STAR: variants seen among roughly 807,000 people sequenced by gnomAD.
STAR encodes the protein steroidogenic acute regulatory protein, mitochondrial.
Under a neutral mutation model 32.3 loss-of-function variants are expected in STAR, and 32 were observed. The observed-to-expected ratio is 0.99, with a 90% CI of 0.75 to 1.33. The LOEUF is 1.33. STAR is among the 40% of genes most tolerant of loss of function. The pLI is 0.00. For synonymous variants in STAR, 134 were observed against 140.5 expected (o/e 0.95, Z 0.33); for missense variants, 375 against 379.0 (o/e 0.99, Z 0.09).
At position 38,145,035 on chromosome 8, in the gene STAR, G is replaced by A. The variant is rs1312843031; in HGVS notation, c.744+187C>T. 3.5e-6 allele frequency: 5 copies of A among 1,441,738 alleles called. No individual in the cohort carries two copies. In the South Asian group the frequency reaches 7.2e-5, roughly 21 times the overall value. The allele number at this position is 1,441,738 out of a possible 1,614,324, so 89.3% of individuals were successfully genotyped here. On this transcript the variant is annotated intron_variant, in intron 6 of 6. Transcript: ENST00000276449. ...AAAAAAAAAAAAAAAAAAAAGAAGA[G>A]GGGGCCATCACAGGCTTTGGAGATG...
In STAR at chr8:38,145,657, A is replaced by G. The variant is rs1293600634; in HGVS notation, c.650+306T>C. On this transcript the variant is annotated intron_variant, in intron 5 of 6. Coordinates refer to ENST00000276449, the MANE Select transcript of STAR (RefSeq NM_000349.3). ...ACTGAGTGGTATGGATTATTTCAAT[A>G]TTTTAGTCTACATTACAGCTGTTCC... 6 of 552,874 alleles carry G rather than the reference A, an allele frequency of 1.1e-5. No individual in the cohort carries two copies. The Admixed American group carries it at 1.9e-4, about 17-fold the overall frequency. 34.2% of individuals were successfully genotyped at this position (552,874 alleles called of 1,614,324 possible). A position where few individuals can be genotyped will look rare whatever the true frequency, so the allele number is the denominator to read the frequency against.
intron 6 of STAR, chr8:38,144,905 A>T (rs762853041): frequency 2.5e-5 from 21 of 851,034 alleles, no homozygotes; most frequent in Non-Finnish European, 3.2e-5. Flanking sequence ...GCTACTCAGG[A>T]GGCTGAGGCG....
At chr8:38,146,780 T>TA (rs1237920274) in intron 3 of STAR, among the ~76,000 whole-genome samples, 22 of 29,860 alleles carry the variant, frequency 7.4e-4, no homozygotes, top group Non-Finnish European at 1.4e-3. Context: ...AAAAAAAAAT[T>TA]TTATATATAT....
intron 1 of STAR, among the ~76,000 whole-genome samples, chr8:38,150,133 G>C (rs1802641783): frequency 6.6e-6 from 1 of 152,130 alleles, no homozygotes; most frequent in Admixed American, 6.6e-5. Flanking sequence ...TGTAATCCCA[G>C]CACTTTGGGA....
chr8:38,145,795 C>T (rs1193299808), intron 5 of STAR, 168 bp downstream of exon 5: 14 of 837,702 alleles, frequency 1.7e-5, no homozygotes, highest in East Asian at 1.6e-4. Flanking sequence ...TAGGGCCTAT[C>T]TTGTCTTTGT....
intron 3 of STAR, 102 bp downstream of exon 3, chr8:38,148,098 C>G: frequency 6.6e-7 from 1 of 1,522,792 alleles, no homozygotes; most frequent in Non-Finnish European, 9.0e-7. Flanking sequence ...TACCCAGTGA[C>G]TGCTGCATGA....
rs1802660648 is a variant in STAR at position 38,150,942 on chromosome 8, C to A, written c.-124G>T. 2 of 1,588,522 alleles carry A rather than the reference C, an allele frequency of 1.3e-6. No individual in the cohort carries two copies. The highest frequency in any genetic ancestry group is 3.4e-5 in the Admixed American group (2 of 58,114). On this transcript the variant is annotated 5_prime_UTR_variant, in exon 1 of 7. Transcript: ENST00000276449. ...AGCCCCTCAAGCTTCGCCTCTGAGT[C>A]CCGCAGCTGCAGCCTGGACCTGGTG...
intron 6 of STAR, 147 bp downstream of exon 6, chr8:38,145,075 A>G: frequency 6.7e-7 from 1 of 1,502,500 alleles, no homozygotes; most frequent in Non-Finnish European, 8.9e-7. Flanking sequence ...AGTAGCAGTT[A>G]GGCCATCACT....
intron 1 of STAR, among the ~76,000 whole-genome samples, chr8:38,150,054 G>A (rs1343498457): frequency 8.6e-5 from 13 of 151,882 alleles, no homozygotes; most frequent in Admixed American, 3.3e-4. Flanking sequence ...GTGCCACTGC[G>A]CTCCAGGCTG....
At position 38,150,881 on chromosome 8, in the gene STAR, G is replaced by C. The variant is rs1191814517; in HGVS notation, c.-63C>G. 3 of 1,600,340 alleles carry C rather than the reference G, an allele frequency of 1.9e-6. No individual in the cohort carries two copies. The African/African-American group carries it at 4.0e-5, about 21-fold the overall frequency. On this transcript the variant is annotated 5_prime_UTR_variant, in exon 1 of 7. Coordinates refer to ENST00000276449, the MANE Select transcript of STAR (RefSeq NM_000349.3). The stretch of plus-strand genomic sequence containing the variant: ...CGCTGCTGCTGCCGCCGCTGCTGCT[G>C]CCTCTTCTCTCAAGGGTGGTTCTTC...
rs1802520752 is a variant in STAR, at chr8:38,144,250, A to C, written c.*23T>G. On this transcript the variant is annotated 3_prime_UTR_variant, in exon 7 of 7. Coordinates refer to ENST00000276449, the MANE Select transcript of STAR (RefSeq NM_000349.3). ...CGTGTGTACCAGTGCAGCTGGGCACAGTTGGGAACAGCAGGCTGGTCTTCA... is the reference window on the plus strand; with the variant it reads ...CGTGTGTACCAGTGCAGCTGGGCACCGTTGGGAACAGCAGGCTGGTCTTCA... 6.3e-7 allele frequency: 1 copy of C among 1,595,776 alleles called. No individual in the cohort carries two copies. Among genetic ancestry groups the C allele is most frequent in the South Asian group, 1.1e-5 (1 of 88,030 alleles).
At chr8:38,148,834 A>T in intron 1 of STAR, 80 bp from the exon 2 acceptor site, 1 of 1,207,874 alleles carries the variant, frequency 8.3e-7, no homozygotes, top group Non-Finnish European at 1.2e-6. Flanking sequence ...ATCTTGTCTC[A>T]AATGAGTAAG....
intron 1 of STAR, among the ~76,000 whole-genome samples, chr8:38,149,351 T>C (rs1802630034): frequency 6.6e-6 from 1 of 152,116 alleles, no homozygotes; most frequent in Non-Finnish European, 1.5e-5. Context: ...TTCAATCCAG[T>C]GTAATTGGAA....
Position 38,150,884 on chromosome 8 carries a change from T to A in STAR, c.-66A>T. ...TGCTGCTGCCGCCGCTGCTGCTGCC[T>A]CTTCTCTCAAGGGTGGTTCTTCGTC... On this transcript the variant is annotated 5_prime_UTR_variant, in exon 1 of 7. Transcript: ENST00000276449. The A allele has an allele frequency of 6.3e-7, 1 of 1,599,580 alleles. No homozygotes were observed. The highest frequency in any genetic ancestry group is 8.5e-7 in the Non-Finnish European group (1 of 1,179,688).
chr8:38,148,432 C>CT, intron 2 of STAR, 105 bp from the exon 3 acceptor site: 1 of 1,561,480 alleles, frequency 6.4e-7, no homozygotes, highest in South Asian at 1.2e-5. Context: ...AGAGCCCGGA[C>CT]TAAAGCCATA....
intron 1 of STAR, 126 bp from the exon 2 acceptor site, chr8:38,148,880 C>A: frequency 1.3e-6 from 1 of 759,548 alleles, no homozygotes. Flanking sequence ...CTCAGGAGCA[C>A]ACAGGATTCT....
chr8:38,144,379 A>C lies in STAR; in HGVS notation c.752T>G (p.Leu251Arg). ...GACCTGGTTGATGATGCTCTTGGGC[A>C]GCCACCCCTGCAGTAGGAGGTAGGA... Reference protein sequence around the residue: ...WLLSIDLKGWLPKSIINQVLS... With the variant: ...WLLSIDLKGWRPKSIINQVLS... The change falls in exon 7 of 7, where the codon CTG becomes CGG. Residue 251 changes from leucine to arginine, a missense_variant. Leu to Arg is a moderately radical substitution (Grantham distance 102). Transcript: ENST00000276449. The C allele has an allele frequency of 1.9e-6, 3 of 1,597,342 alleles. No individual in the cohort carries two copies. Among genetic ancestry groups the C allele is most frequent in the Non-Finnish European group, 2.6e-6 (3 of 1,171,952 alleles).
At chr8:38,149,397 G>A (rs1460040728) in intron 1 of STAR, among the ~76,000 whole-genome samples, 1 of 152,182 alleles carries the variant, frequency 6.6e-6, no homozygotes, top group African/African-American at 2.4e-5. Context: ...ACCCTTCAGT[G>A]GCAGCAGGGG....
At chr8:38,145,425 G>C (rs1406723858) in intron 5 of STAR, 110 bp from the exon 6 acceptor site, 12 of 1,471,478 alleles carry the variant, frequency 8.2e-6, no homozygotes, top group Non-Finnish European at 1.1e-5. Flanking sequence ...TGTCTTTTCT[G>C]AGTCTCATCA....
Sources: gnomAD v4.1 joint callset for allele counts (sites outside exome capture counted in the v4.1 genomes callset) on GRCh38, gnomAD v4.1.1 for gene constraint, MANE v1.5 for transcripts, NCBI Gene and HGNC (gene_info 2026-07-23, HGNC 2026-07-21) for gene names.